The following GFOD1 variants were observed in gnomAD, a reference collection of about 807,000 sequenced individuals.
GFOD1 encodes Gfo/Idh/MocA-like oxidoreductase domain containing 1, also known as glucose-fructose oxidoreductase domain-containing protein 1.
GFOD1 carries 9 observed loss-of-function variants against 25.4 expected under a neutral mutation model. That is an observed-to-expected ratio of 0.35 (90% CI 0.21 to 0.62). The LOEUF (loss-of-function observed/expected upper bound fraction) is 0.62, where lower values mean the gene tolerates loss of function less well. GFOD1 is among the 20% of genes least tolerant of loss of function. The pLI is 0.72. For missense variants in GFOD1, 403 were observed against 556.9 expected, an observed-to-expected ratio of 0.72 and a Z score of 2.78; for synonymous variants, 253 against 245.6, an observed-to-expected ratio of 1.03 and a Z score of -0.28.
chr6:13,393,723 G>A (rs1480622056), intron 1 of GFOD1, among the ~76,000 whole-genome samples: 1 of 151,168 alleles, frequency 6.6e-6, no homozygotes, highest in African/African-American at 2.4e-5. Context: ...CTATTCAGTT[G>A]ATATGGACTC....
chr6:13,394,936 C>T (rs1217021076), intron 1 of GFOD1, among the ~76,000 whole-genome samples: 1 of 152,034 alleles, frequency 6.6e-6, no homozygotes, highest in Non-Finnish European at 1.5e-5. Context: ...CCCGGCCTTT[C>T]ATACCTGGCT....
chr6:13,426,369 C>T (rs1037237310), intron 1 of GFOD1, among the ~76,000 whole-genome samples: 5 of 152,232 alleles, frequency 3.3e-5, no homozygotes, highest in Non-Finnish European at 7.3e-5. Flanking sequence ...CACACAACCC[C>T]AGATTCATCA....
At chr6:13,459,311 A>T (rs1758249254) in intron 1 of GFOD1, among the ~76,000 whole-genome samples, 1 of 140,150 alleles carries the variant, frequency 7.1e-6, no homozygotes, top group South Asian at 2.5e-4. Flanking sequence ...CATATGCAGA[A>T]AACTGAAACT....
intron 1 of GFOD1, among the ~76,000 whole-genome samples, chr6:13,404,618 A>G (rs1451941318): frequency 6.6e-6 from 1 of 152,250 alleles, no homozygotes; most frequent in Non-Finnish European, 1.5e-5. Flanking sequence ...ATCTCCCAGA[A>G]CAGGAACTCG....
intron 1 of GFOD1, among the ~76,000 whole-genome samples, chr6:13,453,178 G>A (rs1204623802): frequency 1.3e-5 from 2 of 152,208 alleles, no homozygotes; most frequent in Non-Finnish European, 2.9e-5. Flanking sequence ...TGAAGATAAG[G>A]AACTGTGTTT....
At chr6:13,463,193 G>A (rs1055150591) in intron 1 of GFOD1, among the ~76,000 whole-genome samples, 7 of 152,194 alleles carry the variant, frequency 4.6e-5, no homozygotes, top group Non-Finnish European at 7.3e-5. Context: ...CCAGACCACC[G>A]GAATGCAGAA....
intron 1 of GFOD1, among the ~76,000 whole-genome samples, chr6:13,433,122 T>A (rs1344729324): frequency 6.6e-6 from 1 of 150,876 alleles, no homozygotes; most frequent in African/African-American, 2.4e-5. Flanking sequence ...GGGTCCCTTT[T>A]TTTTTTTTTT....
chr6:13,373,931 T>C (rs1785200083), intron 1 of GFOD1, among the ~76,000 whole-genome samples: 1 of 152,182 alleles, frequency 6.6e-6, no homozygotes, highest in Admixed American at 6.6e-5. Context: ...TCAATCCCCA[T>C]GAAAGTTCTT....
At chr6:13,477,778 C>A (rs1407746746) in intron 1 of GFOD1, among the ~76,000 whole-genome samples, 1 of 152,090 alleles carries the variant, frequency 6.6e-6, no homozygotes, top group Non-Finnish European at 1.5e-5. Context: ...AGAACCTACA[C>A]AATCAGGCCA....
At chr6:13,464,861 CGT>C (rs36218477) in intron 1 of GFOD1, among the ~76,000 whole-genome samples, 4,609 of 146,672 alleles carry the variant, frequency 0.031, 237 homozygotes, top group African/African-American at 0.11. Flanking sequence ...TTCCTCTTTC[CGT>C]GTGTGTGTGT....
intron 1 of GFOD1, among the ~76,000 whole-genome samples, chr6:13,393,047 G>C (rs904923722): frequency 5.9e-5 from 9 of 151,982 alleles, no homozygotes; most frequent in African/African-American, 2.2e-4. Flanking sequence ...GGGCAACAGA[G>C]TGAGACCTTA....
intron 1 of GFOD1, among the ~76,000 whole-genome samples, chr6:13,484,700 C>T (rs1758826064): frequency 1.3e-5 from 2 of 152,172 alleles, no homozygotes; most frequent in South Asian, 4.1e-4. Flanking sequence ...ATTTGTGTCA[C>T]ATCTCTTGAA....
chr6:13,474,785 C>A (rs1440409241), intron 1 of GFOD1, among the ~76,000 whole-genome samples: 3 of 152,200 alleles, frequency 2.0e-5, no homozygotes, highest in Non-Finnish European at 4.4e-5. Context: ...TACTGGAAGA[C>A]AATCTTCAAC....
At chr6:13,466,273 T>A (rs543606242) in intron 1 of GFOD1, among the ~76,000 whole-genome samples, 1 of 152,334 alleles carries the variant, frequency 6.6e-6, no homozygotes, top group South Asian at 2.1e-4. Context: ...TAGAAGATAA[T>A]AGACAGAAAA....
At chr6:13,406,029 T>C (rs1177738470) in intron 1 of GFOD1, among the ~76,000 whole-genome samples, 2 of 152,172 alleles carry the variant, frequency 1.3e-5, no homozygotes, top group African/African-American at 2.4e-5. Flanking sequence ...GCATCCTCTA[T>C]CTCTAAAGAA....
At chr6:13,453,944 T>G (rs374421832) in intron 1 of GFOD1, among the ~76,000 whole-genome samples, 1 of 152,208 alleles carries the variant, frequency 6.6e-6, no homozygotes, top group African/African-American at 2.4e-5. Context: ...GTCACAGTCC[T>G]CACTTCCAGT....
chr6:13,376,098 A>C (rs1449174892), intron 1 of GFOD1, among the ~76,000 whole-genome samples: 1 of 152,214 alleles, frequency 6.6e-6, no homozygotes, highest in Non-Finnish European at 1.5e-5. Context: ...TAGAACCAAG[A>C]GACCTTCCAA....
chr6:13,429,930 A>G (rs999569629), intron 1 of GFOD1, among the ~76,000 whole-genome samples: 1 of 152,242 alleles, frequency 6.6e-6, no homozygotes, highest in Non-Finnish European at 1.5e-5. Context: ...AAGTGATCAC[A>G]CTACTTCTCA....
chr6:13,485,450 T>C (rs1758843672), intron 1 of GFOD1, among the ~76,000 whole-genome samples: 1 of 152,250 alleles, frequency 6.6e-6, no homozygotes, highest in African/African-American at 2.4e-5. Flanking sequence ...TTCATCTGGT[T>C]ATAAGCTTTG....
Sources: allele counts gnomAD v4.1 joint callset (sites outside exome capture counted in the v4.1 genomes callset), GRCh38; gene constraint gnomAD v4.1.1; transcripts MANE v1.5; gene names NCBI Gene and HGNC (gene_info 2026-07-23, HGNC 2026-07-21).